The following BTLA variants were observed in gnomAD, a reference collection of about 807,000 sequenced individuals.
BTLA encodes B- and T-lymphocyte attenuator.
In BTLA, 11 loss-of-function variants were observed where a neutral mutation model predicts 25.0. That is an observed-to-expected ratio of 0.44 (90% CI 0.28 to 0.73). The LOEUF is 0.73. Ranked by LOEUF, BTLA falls within the 30% of genes least tolerant of loss-of-function variation. The probability of loss-of-function intolerance (pLI) is 0.15; values close to 1 mark genes in which losing one functional copy is unlikely to be tolerated. For missense variants in BTLA, 282 were observed against 332.8 expected (o/e 0.85, Z 1.19); for synonymous variants, 104 against 119.8 (o/e 0.87, Z 0.86).
At position 112,495,766 on chromosome 3, in the gene BTLA, C is replaced by G. The variant is rs143322605; in HGVS notation, c.88+3505G>C. Among the ~76,000 whole-genome samples, 459 of 152,274 alleles carry G rather than the reference C, an allele frequency of 3.0e-3. 1 individual carries two copies. Among genetic ancestry groups the G allele is most frequent in the African/African-American group, 9.7e-3 (405 of 41,552 alleles). On this transcript the variant is annotated intron_variant, in intron 1 of 4. Transcript: ENST00000334529. ...AAGATACTGTGCTACAAAACCTGAA[C>G]TTCAAGGAATGATATTTTTTGACCC...
chr3:112,464,166 A>T lies in BTLA; in HGVS notation c.*1942T>A, dbSNP rs1029190020. The T allele has an allele frequency of 2.5e-6, 1 of 398,068 alleles. No homozygotes were observed. The highest frequency in any genetic ancestry group is 2.1e-5 in the African/African-American group (1 of 48,748). 24.7% of individuals were successfully genotyped at this position (398,068 alleles called of 1,614,324 possible). ...TGTCTCTGACACCATTTTGAAAAGG[A>T]ATAAAAACATAAATGATTTGTGATT... On this transcript the variant is annotated 3_prime_UTR_variant, in exon 5 of 5. Coordinates refer to ENST00000334529, the MANE Select transcript of BTLA (RefSeq NM_181780.4).
At chr3:112,489,976 C>T (rs1333823089) in intron 1 of BTLA, among the ~76,000 whole-genome samples, 4 of 152,164 alleles carry the variant, frequency 2.6e-5, no homozygotes, top group Non-Finnish European at 5.9e-5. Flanking sequence ...GGCAAATCCA[C>T]ACACAGCAAT....
intron 4 of BTLA, 127 bp downstream of exon 4, chr3:112,469,631 A>ATATAGAATATGTATATAC (rs1553730243): frequency 6.3e-6 from 1 of 159,646 alleles, no homozygotes. Context: ...ATATATATAT[A>ATATAGAATATGTATATAC]TATATATATA....
At chr3:112,498,139 G>C (rs1437702969) in intron 1 of BTLA, among the ~76,000 whole-genome samples, 1 of 152,158 alleles carries the variant, frequency 6.6e-6, no homozygotes, top group Non-Finnish European at 1.5e-5. Flanking sequence ...CCACACTGAT[G>C]ATGAATAGAT....
rs35030966 is a variant in BTLA, at chr3:112,466,084, TC to T, written c.*23del. On this transcript the variant is annotated 3_prime_UTR_variant, in exon 5 of 5. Coordinates refer to ENST00000334529, the MANE Select transcript of BTLA (RefSeq NM_181780.4). Reference sequence around the variant, plus strand: ...TGTCAACATGCTGATCATTCAATGGTCCCTGTTGGAGTCAGAAACAGACTTA... The same window carrying T: ...TGTCAACATGCTGATCATTCAATGGTCCTGTTGGAGTCAGAAACAGACTTA... 8 of 1,546,184 alleles carry T rather than the reference TC, an allele frequency of 5.2e-6. No individual in the cohort carries two copies. The highest frequency in any genetic ancestry group is 7.0e-6 in the Non-Finnish European group (8 of 1,138,178).
At chr3:112,483,275 G>A (rs535245622) in intron 1 of BTLA, among the ~76,000 whole-genome samples, 80 of 150,888 alleles carry the variant, frequency 5.3e-4, no homozygotes, top group African/African-American at 1.8e-3. Flanking sequence ...CAGCCTCCCG[G>A]GTAACTGGGA....
intron 1 of BTLA, among the ~76,000 whole-genome samples, chr3:112,498,520 C>CTAT (rs748651990): frequency 2.0e-5 from 3 of 147,936 alleles, no homozygotes; most frequent in East Asian, 3.9e-4. Flanking sequence ...ATGTGGGTTC[C>CTAT]TATGCAATAT....
intron 1 of BTLA, among the ~76,000 whole-genome samples, chr3:112,493,756 C>G (rs2082393236): frequency 6.6e-6 from 1 of 152,208 alleles, no homozygotes; most frequent in Non-Finnish European, 1.5e-5. Context: ...CCCTCCTCAG[C>G]TTCCTGAAGT....
At chr3:112,473,119 CTAACT>C (rs2082271683) in intron 2 of BTLA, among the ~76,000 whole-genome samples, 1 of 151,446 alleles carries the variant, frequency 6.6e-6, no homozygotes, top group African/African-American at 2.4e-5. Context: ...AAAACTCCCC[CTAACT>C]TATTTTGAGT....
intron 1 of BTLA, among the ~76,000 whole-genome samples, chr3:112,482,279 G>A (rs2082321970): frequency 6.6e-6 from 1 of 151,922 alleles, no homozygotes; most frequent in South Asian, 2.1e-4. Flanking sequence ...GCATTCTTCT[G>A]AATAGATGTA....
At chr3:112,486,780 G>A (rs182275164) in intron 1 of BTLA, among the ~76,000 whole-genome samples, 3 of 152,220 alleles carry the variant, frequency 2.0e-5, no homozygotes, top group African/African-American at 7.2e-5. Flanking sequence ...TTGCCAAGCC[G>A]AAGATTTTAT....
chr3:112,466,433 TG>T, intron 4 of BTLA, 50 bp from the exon 5 acceptor site: 2 of 1,472,980 alleles, frequency 1.4e-6, no homozygotes, highest in Non-Finnish European at 1.8e-6. Flanking sequence ...GCCATGGTAG[TG>T]CATATTCATT....
rs181773451 is a variant in BTLA at position 112,476,776 on chromosome 3, C to T, written c.403+2679G>A. On this transcript the variant is annotated intron_variant, in intron 2 of 4. Transcript: ENST00000334529. ...TCACAATGTTTTGCAAACGTGACTA[C>T]GATCTAGATTCAGAACATATTTATC... 2.6e-5 allele frequency among the ~76,000 whole-genome samples: 4 copies of T among 152,258 alleles called. No individual in the cohort carries two copies. The East Asian group carries it at 5.8e-4, about 22-fold the overall frequency.
At chr3:112,484,126 T>C (rs912789361) in intron 1 of BTLA, among the ~76,000 whole-genome samples, 2 of 152,134 alleles carry the variant, frequency 1.3e-5, no homozygotes, top group Non-Finnish European at 2.9e-5. Context: ...GGAGGTATTT[T>C]AAGAGTGAGG....
intron 1 of BTLA, among the ~76,000 whole-genome samples, chr3:112,488,304 T>C (rs1343083029): frequency 6.9e-6 from 1 of 143,924 alleles, no homozygotes; most frequent in East Asian, 2.2e-4. Flanking sequence ...CTCCGCTCAC[T>C]GCAAGCCTCC....
intron 1 of BTLA, among the ~76,000 whole-genome samples, chr3:112,488,324 G>A (rs1254258533): frequency 1.4e-5 from 2 of 145,614 alleles, no homozygotes; most frequent in Admixed American, 7.1e-5. Context: ...CCGGGTTCAC[G>A]CCATTCTCCT....
At chr3:112,477,891 T>G (rs888554255) in intron 2 of BTLA, among the ~76,000 whole-genome samples, 6 of 152,074 alleles carry the variant, frequency 3.9e-5, no homozygotes, top group African/African-American at 1.4e-4. Flanking sequence ...CTTTCCCCAC[T>G]GAATAATCTT....
chr3:112,471,437 C>T, intron 2 of BTLA, 82 bp from the exon 3 acceptor site: 1 of 1,438,246 alleles, frequency 7.0e-7, no homozygotes, highest in East Asian at 2.3e-5. Flanking sequence ...ATTGTCAGAA[C>T]TTGAGTGAAG....
chr3:112,476,218 A>G (rs548968700), intron 2 of BTLA, among the ~76,000 whole-genome samples: 6 of 152,340 alleles, frequency 3.9e-5, no homozygotes, highest in South Asian at 2.1e-4. Context: ...GCTTCACGCT[A>G]TATTTGCAAA....
Sources: gnomAD v4.1 joint callset for allele counts (sites outside exome capture counted in the v4.1 genomes callset) on GRCh38, gnomAD v4.1.1 for gene constraint, MANE v1.5 for transcripts, NCBI Gene and HGNC (gene_info 2026-07-23, HGNC 2026-07-21) for gene names.